Variants in WDFY4 observed in about 807,000 individuals in gnomAD.
WDFY4 encodes the protein WDFY family member 4.
WDFY4 carries 169 observed loss-of-function variants against 351.9 expected under a neutral mutation model. That is an observed-to-expected ratio of 0.48 (90% CI 0.42 to 0.55). The LOEUF is 0.55. Ranked by LOEUF, WDFY4 falls within the 20% of genes least tolerant of loss-of-function variation. The probability of loss-of-function intolerance (pLI) is 0.00; values close to 1 mark genes in which losing one functional copy is unlikely to be tolerated. For missense variants in WDFY4, 3,803 were observed against 3,935.6 expected, an observed-to-expected ratio of 0.97 and a Z score of 0.90; for synonymous variants, 1,622 against 1,574.6, an observed-to-expected ratio of 1.03 and a Z score of -0.71.
intron 46 of WDFY4, 56 bp downstream of exon 46, chr10:48,900,362 G>A (rs1475043466): frequency 1.4e-6 from 2 of 1,456,794 alleles, no homozygotes; most frequent in East Asian, 2.5e-5. Context: ...GAGAGCAGAG[G>A]GGCAGAGAAC....
intron 44 of WDFY4, among the ~76,000 whole-genome samples, chr10:48,895,270 A>T (rs76625317): frequency 0.017 from 2,606 of 152,290 alleles, 77 homozygotes; most frequent in African/African-American, 0.058. Context: ...GGCCTCTCTC[A>T]ACTTCCCCAA....
At chr10:48,797,281 A>C (rs1002525715) in intron 24 of WDFY4, among the ~76,000 whole-genome samples, 5 of 152,182 alleles carry the variant, frequency 3.3e-5, no homozygotes, top group African/African-American at 1.2e-4. Flanking sequence ...GAGAGAAGGC[A>C]GGCCCAAGGG....
intron 26 of WDFY4, 24 bp downstream of exon 26, chr10:48,805,445 G>A (rs2067221591): frequency 6.5e-7 from 1 of 1,544,174 alleles, no homozygotes; most frequent in Non-Finnish European, 8.7e-7. Context: ...CTGCCCAGGG[G>A]GAAGAGCAGG....
rs551657711 is a variant in WDFY4, at chr10:48,943,496, G to A, written c.7749+47G>A. 37 of 1,535,412 alleles carry A rather than the reference G, an allele frequency of 2.4e-5. No homozygotes were observed. In the East Asian group the frequency reaches 4.4e-4, roughly 18 times the overall value. The stretch of plus-strand genomic sequence containing the variant: ...CACAGCTGCCCTCAGGTGTTCGGAC[G>A]TTGATAACAGAGACCCTAAGTCAGC... On this transcript the variant is annotated intron_variant, in intron 49 of 61. Transcript: ENST00000325239.
chr10:48,936,319 G>A (rs1840357250), intron 47 of WDFY4, among the ~76,000 whole-genome samples: 1 of 151,824 alleles, frequency 6.6e-6, no homozygotes, highest in African/African-American at 2.4e-5. Flanking sequence ...ACAGCAAATG[G>A]ATTAAATAAA....
intron 1 of WDFY4, among the ~76,000 whole-genome samples, chr10:48,701,799 C>T (rs1229899651): frequency 1.3e-5 from 2 of 152,146 alleles, no homozygotes; most frequent in African/African-American, 4.8e-5. Flanking sequence ...TGTTTACCAC[C>T]TCGTGGGGTG....
chr10:48,725,559 A>G (rs1345572258), intron 5 of WDFY4, among the ~76,000 whole-genome samples: 1 of 152,238 alleles, frequency 6.6e-6, no homozygotes, highest in African/African-American at 2.4e-5. Flanking sequence ...TGTTAATTCT[A>G]TACCTTAATT....
intron 2 of WDFY4, among the ~76,000 whole-genome samples, chr10:48,715,431 G>T (rs939851222): frequency 2.0e-5 from 3 of 152,188 alleles, no homozygotes; most frequent in Non-Finnish European, 2.9e-5. Context: ...GTTGTATTTA[G>T]AGGTGAGTGT....
rs2070051388 is a variant in WDFY4, at chr10:48,877,181, G to A, written c.7149G>A (p.Glu2383=). The change falls in exon 43 of 62, where the codon GAG becomes GAA. Residue 2383 remains glutamate, a synonymous_variant. Coordinates refer to ENST00000325239, the MANE Select transcript of WDFY4 (RefSeq NM_001394531.1). ...LCRERQVILQ[E]LLDKEKVTQK... ...GGGAAAGACAAGTTATTTTACAAGAGCTTCTTGATAAAGAAAAGGTAATAT... is the reference window on the plus strand; with the variant it reads ...GGGAAAGACAAGTTATTTTACAAGAACTTCTTGATAAAGAAAAGGTAATAT... The A allele has an allele frequency of 1.9e-6, 3 of 1,551,402 alleles. No individual in the cohort carries two copies. Among genetic ancestry groups the A allele is most frequent in the African/African-American group, 1.4e-5 (1 of 73,024 alleles).
At chr10:48,952,584 A>G (rs1164779577) in intron 51 of WDFY4, among the ~76,000 whole-genome samples, 2 of 152,126 alleles carry the variant, frequency 1.3e-5, no homozygotes, top group Non-Finnish European at 2.9e-5. Flanking sequence ...CTTTAAAATA[A>G]CCCCTAGCTG....
intron 31 of WDFY4, among the ~76,000 whole-genome samples, chr10:48,814,863 G>A (rs938262952): frequency 2.0e-5 from 3 of 152,114 alleles, no homozygotes; most frequent in African/African-American, 7.2e-5. Context: ...TCCAAGATTC[G>A]ACCATATCCT....
chr10:48,721,984 T>C (rs1027215194), intron 4 of WDFY4, among the ~76,000 whole-genome samples: 4 of 152,162 alleles, frequency 2.6e-5, no homozygotes, highest in Admixed American at 6.5e-5. Context: ...ACCCACCGCA[T>C]GCCAGGAACA....
rs185502685 is a variant in WDFY4 at position 48,892,686 on chromosome 10, A to G, written c.7316+1959A>G. ...AAATAAACTTGTTAAAAATAAAGCT[A>G]AGTCAAACCTGAAATGTTTCTGTAA... On this transcript the variant is annotated intron_variant, in intron 44 of 61. Coordinates refer to ENST00000325239, the MANE Select transcript of WDFY4 (RefSeq NM_001394531.1). 2.6e-5 allele frequency among the ~76,000 whole-genome samples: 4 copies of G among 152,352 alleles called. No homozygotes were observed. In the East Asian group the frequency reaches 5.8e-4, roughly 22 times the overall value.
chr10:48,931,699 A>G (rs1564503137), intron 47 of WDFY4, among the ~76,000 whole-genome samples: 1 of 152,190 alleles, frequency 6.6e-6, no homozygotes, highest in Non-Finnish European at 1.5e-5. Context: ...AAATGCTGCA[A>G]TGTCTAATCC....
chr10:48,974,881 A>T lies in WDFY4; in HGVS notation c.8948A>T (p.Gln2983Leu). ...RLRQALYGHT[Q>L]AVTCLAASVT... The stretch of plus-strand genomic sequence containing the variant: ...CCCCAGGCCTTGTATGGACACACAC[A>T]GGCTGTCACGTGCCTGGCAGCGTCA... Residue 2983 changes from glutamine to leucine, a missense_variant, in exon 58 of 62, where the codon CAG (glutamine) becomes CTG (leucine). Transcript: ENST00000325239. The T allele has an allele frequency of 1.3e-6, 2 of 1,548,746 alleles. No individual in the cohort carries two copies. Among genetic ancestry groups the T allele is most frequent in the Non-Finnish European group, 1.7e-6 (2 of 1,145,114 alleles).
intron 12 of WDFY4, among the ~76,000 whole-genome samples, chr10:48,750,350 G>A (rs1478662327): frequency 6.6e-6 from 1 of 152,216 alleles, no homozygotes; most frequent in Non-Finnish European, 1.5e-5. Flanking sequence ...TTGGGAGTGT[G>A]GGGCACACAG....
At chr10:48,828,927 C>CGGG (rs750491062) in intron 37 of WDFY4, 31 bp downstream of exon 37, 68 of 63,630 alleles carry the variant, frequency 1.1e-3, no homozygotes, top group South Asian at 2.4e-3. Flanking sequence ...TGTGTGTGGG[C>CGGG]GGGGGGGGGG....
chr10:48,786,954 A>T, intron 20 of WDFY4, 84 bp downstream of exon 20: 1 of 1,262,112 alleles, frequency 7.9e-7, no homozygotes, highest in Non-Finnish European at 1.1e-6. Context: ...ATTTGCAGAG[A>T]ATAAGCTCAG....
chr10:48,822,467 A>C lies in WDFY4; in HGVS notation c.5912A>C (p.Lys1971Thr). Residue 1971 changes from lysine to threonine, a missense_variant, in exon 35 of 62, where the codon AAG becomes ACG. Physicochemically the swap from Lys to Thr is moderately conservative, Grantham distance 78. Around this residue, in one of 3 missense-constraint regions of WDFY4, gnomAD observed 3,054 missense variants for 3,148.6 expected, o/e 0.97. Transcript: ENST00000325239. Reference sequence around the variant, plus strand: ...TGCTTCACCCAGAAGCTGGTGGAGAAGCTGTACAGTGGGATGTTCTCGGCA... The same window carrying C: ...TGCTTCACCCAGAAGCTGGTGGAGACGCTGTACAGTGGGATGTTCTCGGCA... Reference protein sequence around the residue: ...ISCFTQKLVEKLYSGMFSADP... With the variant: ...ISCFTQKLVETLYSGMFSADP... 1 of 1,551,308 alleles carries C rather than the reference A, an allele frequency of 6.4e-7. No homozygotes were observed. Among genetic ancestry groups the C allele is most frequent in the Non-Finnish European group, 8.7e-7 (1 of 1,146,618 alleles).
Sources: gnomAD v4.1 joint callset for allele counts (sites outside exome capture counted in the v4.1 genomes callset) on GRCh38, gnomAD v4.1.1 for gene constraint, gnomAD v4.1.1 regional missense constraint, MANE v1.5 for transcripts, NCBI Gene and HGNC (gene_info 2026-07-23, HGNC 2026-07-21) for gene names.